SYNE3: variants seen among roughly 807,000 people sequenced by gnomAD.
SYNE3 encodes the protein nesprin-3.
In SYNE3, 100 loss-of-function variants were observed where a neutral mutation model predicts 111.2. That is an observed-to-expected ratio of 0.90 (90% CI 0.77 to 1.06). SYNE3 has a LOEUF of 1.06. Among genes scored for constraint, SYNE3 ranks in the 50% least tolerant of loss-of-function variants. The probability of loss-of-function intolerance (pLI) is 0.00; values close to 1 mark genes in which losing one functional copy is unlikely to be tolerated. For synonymous variants in SYNE3, 547 were observed against 533.9 expected, an observed-to-expected ratio of 1.02 and a Z score of -0.34; for missense variants, 1,160 against 1,240.3, an observed-to-expected ratio of 0.94 and a Z score of 0.97.
rs536283673 is a variant in SYNE3 at position 95,471,819 on chromosome 14, G to A, written c.145-3852C>T. Among the ~76,000 whole-genome samples, 31 of 152,312 alleles carry A rather than the reference G, an allele frequency of 2.0e-4. 1 individual carries two copies. The South Asian group carries it at 6.4e-3, about 32-fold the overall frequency. ...ATTCCAATTTGTCGCAGCCAATGAG[G>A]GCAAGGGGAAGGTGGGGATCGGATG... On this transcript the variant is annotated intron_variant, in intron 2 of 17. Transcript: ENST00000682763.
At chr14:95,461,812 A>G (rs1566669608) in intron 4 of SYNE3, among the ~76,000 whole-genome samples, 1 of 152,214 alleles carries the variant, frequency 6.6e-6, no homozygotes, top group South Asian at 2.1e-4. Context: ...GGAGGTCTTC[A>G]TCAAGCTTTC....
In SYNE3 at chr14:95,408,289, G is replaced by A. The variant is rs1207764293; in HGVS notation, c.*9537C>T. 1 of 151,776 alleles carries A rather than the reference G, an allele frequency of 6.6e-6. No individual in the cohort carries two copies. The highest frequency in any genetic ancestry group is 2.0e-4 in the East Asian group (1 of 5,108). The allele number at this position is 151,776 out of a possible 1,614,324, so 9.4% of individuals were successfully genotyped here. A position where few individuals can be genotyped will look rare whatever the true frequency, so the allele number is the denominator to read the frequency against. ...AAAACGTAATCGTTCCTCCAAAGCT[G>A]GTATTGGAAACTTGCCATTTTCCCA... On this transcript the variant is annotated 3_prime_UTR_variant, in exon 18 of 18. Transcript: ENST00000682763.
chr14:95,486,710 G>A (rs12880003), intron 1 of SYNE3, among the ~76,000 whole-genome samples: 22,854 of 152,132 alleles, frequency 0.15, 2,164 homozygotes, highest in Non-Finnish European at 0.21. Flanking sequence ...TTTCAACAAG[G>A]ACTTGAGAAA....
chr14:95,424,962 T>C (rs922804343), intron 17 of SYNE3, among the ~76,000 whole-genome samples: 2 of 152,206 alleles, frequency 1.3e-5, no homozygotes, highest in African/African-American at 4.8e-5. Flanking sequence ...GCTATTGGCC[T>C]GGCACAGTGG....
chr14:95,466,104 G>A lies in SYNE3; in HGVS notation c.454C>T (p.Gln152Ter), dbSNP rs200390743. 37 of 1,612,904 alleles carry A rather than the reference G, an allele frequency of 2.3e-5. No homozygotes were observed. In the African/African-American group the frequency reaches 4.7e-4, roughly 20 times the overall value. ...AGCAGCACCTGGGCGTGGCTCAGCT[G>A]CCACTGCTTCTCCTTCAGGCCCAGC... ...LQLGLKEKQW[Q>*]LSHAQVLLHN... Residue 152 changes from glutamine (Q) to a stop codon, truncating the protein, a stop_gained, in exon 4 of 18, where the codon CAG (glutamine) becomes TAG (stop). Transcript: ENST00000682763. LOFTEE classifies it high-confidence loss of function.
In SYNE3 at chr14:95,466,062, G is replaced by C. The variant is rs753113013; in HGVS notation, c.496C>G (p.Gln166Glu). The change falls in exon 4 of 18, where the codon CAG becomes GAG. Residue 166 changes from glutamine (Q) to glutamate (E), a missense_variant. Physicochemically the swap from Gln to Glu is conservative, Grantham distance 29. Coordinates refer to ENST00000682763, the MANE Select transcript of SYNE3 (RefSeq NM_152592.6). ...AQVLLHNVDN[Q>E]AVLLDRLLEE... The stretch of plus-strand genomic sequence containing the variant: ...AGCAGCCGGTCCAGGAGCACCGCCT[G>C]GTTGTCCACGTTGTGCAGCAGCACC... 3.1e-6 allele frequency: 5 copies of C among 1,613,538 alleles called. No individual in the cohort carries two copies. The highest frequency in any genetic ancestry group is 2.2e-5 in the East Asian group (1 of 44,862).
chr14:95,422,877 GCCAGGACCACTGT>G (rs1885210074), intron 17 of SYNE3, among the ~76,000 whole-genome samples: 1 of 152,214 alleles, frequency 6.6e-6, no homozygotes, highest in Non-Finnish European at 1.5e-5. Flanking sequence ...AGGGGGTGTG[GCCAGGACCACTGT>G]CTTGCTCTGG....
At chr14:95,509,531 G>A (rs1029371748) in intron 1 of SYNE3, among the ~76,000 whole-genome samples, 1 of 152,174 alleles carries the variant, frequency 6.6e-6, no homozygotes, top group Non-Finnish European at 1.5e-5. Context: ...TGAACTTCAA[G>A]GTACCTTAGA....
At chr14:95,492,484 G>A (rs544389495) in intron 1 of SYNE3, among the ~76,000 whole-genome samples, 10 of 152,298 alleles carry the variant, frequency 6.6e-5, no homozygotes, top group South Asian at 2.1e-4. Context: ...CCTTGGAAAC[G>A]TTGTGCTAAA....
intron 2 of SYNE3, 116 bp downstream of exon 2, chr14:95,475,562 T>G: frequency 5.5e-5 from 66 of 1,193,494 alleles, no homozygotes; most frequent in Non-Finnish European, 6.4e-5. Context: ...CATCAGAGTT[T>G]GAGAAACATT....
chr14:95,473,217 A>G (rs1477811222), intron 2 of SYNE3, among the ~76,000 whole-genome samples: 1 of 151,756 alleles, frequency 6.6e-6, no homozygotes, highest in Non-Finnish European at 1.5e-5. Context: ...CTGGACTCCC[A>G]CCCCCTCGGG....
At chr14:95,499,190 C>T (rs1349846070) in intron 1 of SYNE3, among the ~76,000 whole-genome samples, 1 of 152,198 alleles carries the variant, frequency 6.6e-6, no homozygotes, top group Non-Finnish European at 1.5e-5. Context: ...TCCCGGGAAA[C>T]CTGCCAGTTT....
rs763419751 is a variant in SYNE3, at chr14:95,436,961, T to C, written c.2397A>G (p.Glu799=). Residue 799 remains glutamate, a synonymous_variant, in exon 15 of 18, where the codon GAA becomes GAG. Coordinates refer to ENST00000682763, the MANE Select transcript of SYNE3 (RefSeq NM_152592.6). Reference sequence around the variant, plus strand: ...GGGAGAAATCTTCATGGCTCCCTTCTTCTTCCTGTAGAAGATTTGCCTGTA... The same window carrying C: ...GGGAGAAATCTTCATGGCTCCCTTCCTCTTCCTGTAGAAGATTTGCCTGTA... ...HRRRANLLQE[E]EGSHEDFSQL... The C allele has an allele frequency of 6.8e-6, 11 of 1,611,368 alleles. No homozygotes were observed. Among genetic ancestry groups the C allele is most frequent in the Non-Finnish European group, 9.3e-6 (11 of 1,179,022 alleles).
chr14:95,489,678 T>C (rs1033690962), intron 1 of SYNE3, among the ~76,000 whole-genome samples: 15 of 152,206 alleles, frequency 9.9e-5, no homozygotes, highest in African/African-American at 3.6e-4. Context: ...TCTCAAACTT[T>C]CTAGGCCCAA....
chr14:95,512,399 A>G (rs937388843), intron 1 of SYNE3, among the ~76,000 whole-genome samples: 3 of 152,198 alleles, frequency 2.0e-5, no homozygotes, highest in African/African-American at 4.8e-5. Context: ...TTTAAAAATA[A>G]CGCCCTTAGC....
chr14:95,467,872 C>T lies in SYNE3; in HGVS notation c.240G>A (p.Lys80=), dbSNP rs199600527. The part of the protein sequence containing the change: ...ALLACCPGDQ[K]PGILARLKDI... The stretch of plus-strand genomic sequence containing the variant: ...CCTTCAGCCGGGCCAGGATCCCGGG[C>T]TTCTGGTCCCCAGGGCAGCATGCCA... The change falls in exon 3 of 18, where the codon AAG becomes AAA. Residue 80 remains lysine (K), a synonymous_variant. Coordinates refer to ENST00000682763, the MANE Select transcript of SYNE3 (RefSeq NM_152592.6). 22 of 1,614,224 alleles carry T rather than the reference C, an allele frequency of 1.4e-5. No homozygotes were observed. In the East Asian group the frequency reaches 4.0e-4, roughly 29 times the overall value.
chr14:95,433,214 T>C (rs1306213177), intron 16 of SYNE3, 46 bp downstream of exon 16: 2 of 1,599,690 alleles, frequency 1.3e-6, no homozygotes, highest in East Asian at 4.5e-5. Context: ...GGCCCAGCTA[T>C]AGTCCTGTCC....
In SYNE3 at chr14:95,489,858, A is replaced by G. The variant is rs563682693; in HGVS notation, c.-14-14023T>C. 3.7e-4 allele frequency among the ~76,000 whole-genome samples: 57 copies of G among 152,326 alleles called. 1 individual carries two copies. The South Asian group carries it at 0.012, about 31-fold the overall frequency. On this transcript the variant is annotated intron_variant, in intron 1 of 17. Transcript: ENST00000682763. ...CTCAGGGGAACTGAGAAAGGCAGGA[A>G]TCAGAGGCAAGAGTGGGCCTCAGCA...
intron 17 of SYNE3, among the ~76,000 whole-genome samples, chr14:95,419,883 T>A (rs891446883): frequency 7.8e-6 from 1 of 127,588 alleles, no homozygotes; most frequent in Non-Finnish European, 1.7e-5. Flanking sequence ...ATGGTGATGA[T>A]GATGATAGTG....
Sources: gnomAD v4.1 joint callset for allele counts (sites outside exome capture counted in the v4.1 genomes callset) on GRCh38, gnomAD v4.1.1 for gene constraint, MANE v1.5 for transcripts, NCBI Gene and HGNC (gene_info 2026-07-23, HGNC 2026-07-21) for gene names.